KCNK2: variants seen among roughly 807,000 people sequenced by gnomAD.
KCNK2 encodes potassium channel subfamily K member 2.
KCNK2 carries 21 observed loss-of-function variants against 40.5 expected under a neutral mutation model. That is an observed-to-expected ratio of 0.52 (90% confidence interval 0.37 to 0.75). The LOEUF is 0.75. Among genes scored for constraint, KCNK2 ranks in the 30% least tolerant of loss-of-function variants. The probability of loss-of-function intolerance (pLI) is 0.00; values close to 1 mark genes in which losing one functional copy is unlikely to be tolerated. For synonymous variants in KCNK2, 191 were observed against 202.2 expected, an observed-to-expected ratio of 0.94 and a Z score of 0.47; for missense variants, 399 against 531.6, an observed-to-expected ratio of 0.75 and a Z score of 2.45.
chr1:215,129,456 T>C (rs1661573146), intron 3 of KCNK2, among the ~76,000 whole-genome samples: 2 of 152,130 alleles, frequency 1.3e-5, no homozygotes, highest in South Asian at 4.1e-4. Context: ...AAGAAACTCA[T>C]GACAGAGAGT....
chr1:215,101,092 G>A (rs750428315), intron 2 of KCNK2, among the ~76,000 whole-genome samples: 1 of 152,098 alleles, frequency 6.6e-6, no homozygotes, highest in Non-Finnish European at 1.5e-5. Flanking sequence ...ATTCATGTTC[G>A]TTCATTTATC....
chr1:215,180,986 G>A (rs1664196024), intron 5 of KCNK2, among the ~76,000 whole-genome samples: 1 of 152,040 alleles, frequency 6.6e-6, no homozygotes, highest in Non-Finnish European at 1.5e-5. Flanking sequence ...GTCTCTCTCA[G>A]GAATGCCAAT....
chr1:215,007,185 GTATATA>G (rs1162302568), intron 1 of KCNK2, among the ~76,000 whole-genome samples: 1,727 of 30,602 alleles, frequency 0.056, 35 homozygotes, highest in African/African-American at 0.088. Flanking sequence ...ATGTGTGTGG[GTATATA>G]TATATATATA....
chr1:215,156,767 G>A lies in KCNK2; in HGVS notation c.476-12432G>A, dbSNP rs116095540. 8.6e-4 allele frequency among the ~76,000 whole-genome samples: 131 copies of A among 152,246 alleles called. 1 individual carries two copies. Among genetic ancestry groups the A allele is most frequent in the African/African-American group, 3.0e-3 (126 of 41,544 alleles). On this transcript the variant is annotated intron_variant, in intron 3 of 6. Transcript: ENST00000444842. ...AGCATGTCTTACCATGGTGCAACAG[G>A]AGAGAGCTATAGAGAAAGGGGCAAG... is the stretch of plus-strand genomic sequence containing the variant.
At chr1:215,177,738 A>ATGTG (rs1232317385) in intron 5 of KCNK2, among the ~76,000 whole-genome samples, 1 of 51,920 alleles carries the variant, frequency 1.9e-5, no homozygotes, top group East Asian at 4.6e-4. Context: ...ATATATATAT[A>ATGTG]TATTTTTTTT....
At chr1:215,052,063 T>A (rs1373379239) in intron 1 of KCNK2, among the ~76,000 whole-genome samples, 1 of 152,194 alleles carries the variant, frequency 6.6e-6, no homozygotes, top group Non-Finnish European at 1.5e-5. Flanking sequence ...TTGCAGTGAA[T>A]AATATGGATA....
chr1:215,195,017 G>A lies in KCNK2; in HGVS notation c.888G>A (p.Gly296=), dbSNP rs1664806206. 1.2e-6 allele frequency: 2 copies of A among 1,613,336 alleles called. No individual in the cohort carries two copies. The highest frequency in any genetic ancestry group is 2.7e-5 in the African/African-American group (2 of 74,858). The change falls in exon 6 of 7, where the codon GGG becomes GGA. Residue 296 remains glycine, a synonymous_variant. Transcript: ENST00000444842. ...KPVVWFWILV[G]LAYFAAVLSM... ...TCGTGTGGTTCTGGATCCTTGTAGGGCTTGCTTACTTTGCTGCTGTCCTGA... is the reference window on the plus strand; with the variant it reads ...TCGTGTGGTTCTGGATCCTTGTAGGACTTGCTTACTTTGCTGCTGTCCTGA...
intron 2 of KCNK2, among the ~76,000 whole-genome samples, chr1:215,090,888 A>T (rs1337432030): frequency 6.6e-6 from 1 of 152,126 alleles, no homozygotes; most frequent in Non-Finnish European, 1.5e-5. Flanking sequence ...TTCTCTTTAT[A>T]CTAGGCATCT....
At chr1:215,226,901 GA>G (rs1666407121) in intron 6 of KCNK2, among the ~76,000 whole-genome samples, 1 of 152,162 alleles carries the variant, frequency 6.6e-6, no homozygotes, top group Non-Finnish European at 1.5e-5. Flanking sequence ...TTAGTTTGAG[GA>G]AACATATTTT....
At chr1:215,132,408 G>T (rs1193789951) in intron 3 of KCNK2, among the ~76,000 whole-genome samples, 1 of 152,124 alleles carries the variant, frequency 6.6e-6, no homozygotes, top group East Asian at 1.9e-4. Context: ...CTAGTCTCTT[G>T]CATGTTCTCA....
chr1:215,101,355 C>T (rs944805708), intron 2 of KCNK2, among the ~76,000 whole-genome samples: 2 of 151,930 alleles, frequency 1.3e-5, no homozygotes, highest in African/African-American at 4.8e-5. Flanking sequence ...TCTGTGAGGA[C>T]ATGACATTTA....
intron 4 of KCNK2, among the ~76,000 whole-genome samples, chr1:215,169,693 A>T (rs78888072): frequency 0.12 from 18,880 of 151,096 alleles, 2,466 homozygotes; most frequent in African/African-American, 0.33. Context: ...CTGCAGTGCA[A>T]TGGTACAATG....
At chr1:215,008,669 G>A (rs1331912991) in intron 1 of KCNK2, among the ~76,000 whole-genome samples, 1 of 152,124 alleles carries the variant, frequency 6.6e-6, no homozygotes, top group African/African-American at 2.4e-5. Context: ...ATGGGCTTTA[G>A]AGACCTTTCT....
chr1:215,234,784 C>T lies in KCNK2; in HGVS notation c.964-44C>T, dbSNP rs372121387. 1.6e-4 allele frequency: 236 copies of T among 1,497,762 alleles called. No homozygotes were observed. In the African/African-American group the frequency reaches 2.8e-3, roughly 18 times the overall value. 92.8% of individuals were successfully genotyped at this position (1,497,762 alleles called of 1,614,324 possible). A position where few individuals can be genotyped will look rare whatever the true frequency, so the allele number is the denominator to read the frequency against. On this transcript the variant is annotated intron_variant, in intron 6 of 6. Transcript: ENST00000444842. ...AAGATAAAGCATAGAAAATGTTGAT[C>T]GGCATGTCAATATCTTTATCTTTTC...
At chr1:215,192,529 T>TA (rs1362485565) in intron 5 of KCNK2, among the ~76,000 whole-genome samples, 2 of 152,212 alleles carry the variant, frequency 1.3e-5, no homozygotes, top group African/African-American at 2.4e-5. Context: ...ACTTATGTGT[T>TA]AAATGAGTCA....
rs1169026499 is a variant in KCNK2 at position 215,235,531 on chromosome 1, A to G, written c.*386A>G. 6.0e-6 allele frequency: 1 copy of G among 166,618 alleles called. No homozygotes were observed. The highest frequency in any genetic ancestry group is 1.3e-5 in the Non-Finnish European group (1 of 77,688). 10.3% of individuals were successfully genotyped at this position (166,618 alleles called of 1,614,324 possible). A position where few individuals can be genotyped will look rare whatever the true frequency, so the allele number is the denominator to read the frequency against. ...AGGGTCTACCTAACTGAGCCTAGATATGGACCATTTATGGATGACAACAAT... is the reference window on the plus strand; with the variant it reads ...AGGGTCTACCTAACTGAGCCTAGATGTGGACCATTTATGGATGACAACAAT... On this transcript the variant is annotated 3_prime_UTR_variant, in exon 7 of 7. Coordinates refer to ENST00000444842, the MANE Select transcript of KCNK2 (RefSeq NM_001017425.3).
At chr1:215,162,692 G>T (rs1169818124) in intron 3 of KCNK2, among the ~76,000 whole-genome samples, 5 of 152,106 alleles carry the variant, frequency 3.3e-5, no homozygotes, top group Admixed American at 2.6e-4. Flanking sequence ...TTTCCCCATT[G>T]CTTGTTTTTG....
At chr1:215,171,669 A>C (rs1289360976) in intron 4 of KCNK2, among the ~76,000 whole-genome samples, 1 of 152,156 alleles carries the variant, frequency 6.6e-6, no homozygotes, top group African/African-American at 2.4e-5. Flanking sequence ...GCAAATCTAA[A>C]ATTGCATTCT....
intron 6 of KCNK2, among the ~76,000 whole-genome samples, chr1:215,229,105 T>G (rs1666512964): frequency 1.3e-5 from 2 of 152,166 alleles, no homozygotes; most frequent in Non-Finnish European, 2.9e-5. Context: ...GTTAGTGTAT[T>G]TTATGTGTGG....
Sources: allele counts gnomAD v4.1 joint callset (sites outside exome capture counted in the v4.1 genomes callset), GRCh38; gene constraint gnomAD v4.1.1; transcripts MANE v1.5; gene names NCBI Gene and HGNC (gene_info 2026-07-23, HGNC 2026-07-21).